The following GRXCR1 variants were observed in gnomAD, a reference collection of about 807,000 sequenced individuals.
The protein encoded by GRXCR1 is glutaredoxin domain-containing cysteine-rich protein 1.
In GRXCR1, 27 loss-of-function variants were observed where a neutral mutation model predicts 27.3. The ratio of observed to expected loss-of-function variants is 0.99; its 90% CI spans 0.73 to 1.37. The LOEUF (loss-of-function observed/expected upper bound fraction) is 1.37. Ranked by LOEUF, GRXCR1 falls within the 40% of genes most tolerant of loss-of-function variation. The pLI, the probability that GRXCR1 is intolerant of heterozygous loss-of-function variation, is 0.00. For synonymous variants in GRXCR1, 122 were observed against 131.1 expected, an observed-to-expected ratio of 0.93 and a Z score of 0.47; for missense variants, 379 against 354.4, an observed-to-expected ratio of 1.07 and a Z score of -0.56.
At chr4:42,972,983 C>G (rs1334596774) in intron 2 of GRXCR1, among the ~76,000 whole-genome samples, 1 of 152,082 alleles carries the variant, frequency 6.6e-6, no homozygotes, top group African/African-American at 2.4e-5. Flanking sequence ...TCCATTTGTT[C>G]CCCTATTGAA....
chr4:42,926,697 C>T (rs553669001), intron 1 of GRXCR1, among the ~76,000 whole-genome samples: 1 of 152,018 alleles, frequency 6.6e-6, no homozygotes, highest in African/African-American at 2.4e-5. Flanking sequence ...AAACCTGTAG[C>T]TGACTTATGC....
chr4:42,956,732 A>G (rs927163571), intron 1 of GRXCR1, among the ~76,000 whole-genome samples: 5 of 152,104 alleles, frequency 3.3e-5, no homozygotes, highest in African/African-American at 1.2e-4. Context: ...AACGTGGACT[A>G]CACAACCCTG....
intron 2 of GRXCR1, among the ~76,000 whole-genome samples, chr4:42,982,424 A>G (rs1450462127): frequency 8.1e-6 from 1 of 123,494 alleles, no homozygotes; most frequent in Admixed American, 8.7e-5. Context: ...CATGGTGTAT[A>G]TGTGCCACAT....
intron 1 of GRXCR1, among the ~76,000 whole-genome samples, chr4:42,934,605 T>C (rs1560655280): frequency 6.6e-6 from 1 of 151,986 alleles, no homozygotes; most frequent in African/African-American, 2.4e-5. Context: ...AGTCCTACAC[T>C]TGCTCTATCA....
intron 2 of GRXCR1, among the ~76,000 whole-genome samples, chr4:42,977,397 A>G (rs1323279331): frequency 1.3e-5 from 2 of 151,930 alleles, no homozygotes; most frequent in Non-Finnish European, 2.9e-5. Flanking sequence ...TCTTTATACC[A>G]CTTACCATAA....
chr4:42,941,105 C>A (rs1471094500), intron 1 of GRXCR1, among the ~76,000 whole-genome samples: 1 of 151,934 alleles, frequency 6.6e-6, no homozygotes, highest in Non-Finnish European at 1.5e-5. Flanking sequence ...ACTCTCTCTG[C>A]CTCAATTTCT....
chr4:42,931,210 G>T (rs1417469946), intron 1 of GRXCR1, among the ~76,000 whole-genome samples: 1 of 151,898 alleles, frequency 6.6e-6, no homozygotes, highest in Non-Finnish European at 1.5e-5. Flanking sequence ...TTCTGTCCTG[G>T]TTACAGGCCC....
intron 3 of GRXCR1, among the ~76,000 whole-genome samples, chr4:43,027,618 C>A (rs996724498): frequency 5.3e-5 from 8 of 152,164 alleles, no homozygotes; most frequent in African/African-American, 1.9e-4. Context: ...CTGCATAGCA[C>A]TAACATTTCA....
intron 1 of GRXCR1, among the ~76,000 whole-genome samples, chr4:42,958,805 T>A (rs1748066583): frequency 6.6e-6 from 1 of 151,992 alleles, no homozygotes; most frequent in Non-Finnish European, 1.5e-5. Flanking sequence ...CCAAGAGAGA[T>A]ATATAAAAGT....
chr4:43,016,203 A>G (rs1318298033), intron 2 of GRXCR1, among the ~76,000 whole-genome samples: 1 of 152,230 alleles, frequency 6.6e-6, no homozygotes, highest in Non-Finnish European at 1.5e-5. Flanking sequence ...CTTCCAGGGC[A>G]TCAACCCAAA....
intron 1 of GRXCR1, among the ~76,000 whole-genome samples, chr4:42,927,330 C>T (rs1476652198): frequency 6.6e-6 from 1 of 151,944 alleles, no homozygotes; most frequent in East Asian, 1.9e-4. Flanking sequence ...GATGATGCTA[C>T]CAAAAGTTAG....
At chr4:42,941,317 A>G (rs1314397556) in intron 1 of GRXCR1, among the ~76,000 whole-genome samples, 1 of 152,028 alleles carries the variant, frequency 6.6e-6, no homozygotes, top group Non-Finnish European at 1.5e-5. Flanking sequence ...TTAAAACCAG[A>G]AGGTACTGGA....
At chr4:42,991,912 G>C (rs1711987905) in intron 2 of GRXCR1, among the ~76,000 whole-genome samples, 1 of 152,030 alleles carries the variant, frequency 6.6e-6, no homozygotes, top group African/African-American at 2.4e-5. Context: ...AACAAGTGTT[G>C]TTTTGAAAGT....
intron 3 of GRXCR1, among the ~76,000 whole-genome samples, chr4:43,029,536 G>T (rs923266505): frequency 6.6e-6 from 1 of 152,114 alleles, no homozygotes; most frequent in Non-Finnish European, 1.5e-5. Flanking sequence ...ACCAGTAAAG[G>T]TTATATGCTC....
intron 2 of GRXCR1, among the ~76,000 whole-genome samples, chr4:43,004,991 C>T (rs1712509910): frequency 6.6e-6 from 1 of 152,098 alleles, no homozygotes; most frequent in African/African-American, 2.4e-5. Context: ...TGTCCCCACC[C>T]AAATCTCATA....
rs550781260 is a variant in GRXCR1 at position 43,007,008 on chromosome 4, TTG to T, written c.628-13340_628-13339del. 2.0e-4 allele frequency among the ~76,000 whole-genome samples: 31 copies of T among 152,248 alleles called. 3 individuals carry two copies. Among genetic ancestry groups the T allele is most frequent in the South Asian group, 1.9e-3 (9 of 4,820 alleles). ...CCCCGATAAAGGAGCTTACATCCTA[TTG>T]TGTGTTGGGAAAGGGGAGCAGTAGA... On this transcript the variant is annotated intron_variant, in intron 2 of 3. Transcript: ENST00000399770.
chr4:42,938,965 G>T (rs1747532483), intron 1 of GRXCR1, among the ~76,000 whole-genome samples: 1 of 150,934 alleles, frequency 6.6e-6, no homozygotes, highest in Non-Finnish European at 1.5e-5. Flanking sequence ...TATTCTTTTT[G>T]CTTAGGATGG....
chr4:42,943,524 C>T (rs1053125626), intron 1 of GRXCR1, among the ~76,000 whole-genome samples: 2 of 152,010 alleles, frequency 1.3e-5, no homozygotes, highest in Non-Finnish European at 2.9e-5. Flanking sequence ...GAGTCCTGGA[C>T]ACTTAGTTTT....
At chr4:42,912,539 A>G (rs1176522494) in intron 1 of GRXCR1, among the ~76,000 whole-genome samples, 1 of 152,190 alleles carries the variant, frequency 6.6e-6, no homozygotes, top group Non-Finnish European at 1.5e-5. Context: ...TCATATTTAA[A>G]TGATAGCCCT....
Sources: allele counts gnomAD v4.1 joint callset (sites outside exome capture counted in the v4.1 genomes callset), GRCh38; gene constraint gnomAD v4.1.1; transcripts MANE v1.5; gene names NCBI Gene and HGNC (gene_info 2026-07-23, HGNC 2026-07-21).